The following EGFLAM variants were observed in gnomAD, a reference collection of about 807,000 sequenced individuals.
EGFLAM encodes the protein EGF like, fibronectin type III and laminin G domains.
In EGFLAM, 79 loss-of-function variants were observed where a neutral mutation model predicts 113.1. The ratio of observed to expected loss-of-function variants is 0.70; its 90% CI spans 0.58 to 0.84. The LOEUF is 0.84. Among genes scored for constraint, EGFLAM ranks in the 40% least tolerant of loss-of-function variants. The pLI is 0.00. For synonymous variants in EGFLAM, 504 were observed against 487.6 expected, an observed-to-expected ratio of 1.03 and a Z score of -0.44; for missense variants, 1,265 against 1,291.6, an observed-to-expected ratio of 0.98 and a Z score of 0.32.
At position 38,449,239 on chromosome 5, in the gene EGFLAM, G is replaced by A. The variant is rs567758543; in HGVS notation, c.2543+860G>A. Among the ~76,000 whole-genome samples the A allele has an allele frequency of 3.1e-4, 47 of 152,244 alleles. 2 individuals are homozygous for A. The highest frequency in any genetic ancestry group is 9.1e-4 in the African/African-American group (38 of 41,542). On this transcript the variant is annotated intron_variant, in intron 18 of 21. Transcript: ENST00000322350. Reference sequence around the variant, plus strand: ...AACACACAAGGGCAAATCTTTAAGCGAAAGGCATCCAGTTCTTAGGGTGGA... The same window carrying A: ...AACACACAAGGGCAAATCTTTAAGCAAAAGGCATCCAGTTCTTAGGGTGGA...
intron 6 of EGFLAM, chr5:38,400,111 A>G (rs1253495859): frequency 6.6e-6 from 1 of 152,182 alleles, no homozygotes; most frequent in African/African-American, 2.4e-5. Context: ...AAAACACAAG[A>G]CCCAGAGAGA....
chr5:38,376,212 G>A (rs929760856), intron 6 of EGFLAM, among the ~76,000 whole-genome samples: 5 of 152,152 alleles, frequency 3.3e-5, no homozygotes, highest in African/African-American at 1.2e-4. Context: ...AGCTTAATGA[G>A]TACATTCTTT....
rs1344732071 is a variant in EGFLAM at position 38,306,416 on chromosome 5, GTGGCC to G, written c.98-31087_98-31083del. Reference sequence around the variant, plus strand: ...GGCTAGGCTGAAGTCCTGGTTGCTGGTGGCCTGGCCTGGCCTGGCCTCTGGGCTCA... The same window carrying G: ...GGCTAGGCTGAAGTCCTGGTTGCTGGTGGCCTGGCCTGGCCTCTGGGCTCA... On this transcript the variant is annotated intron_variant, in intron 1 of 21. Coordinates refer to ENST00000322350, the MANE Select transcript of EGFLAM (RefSeq NM_152403.4). Among the ~76,000 whole-genome samples the G allele has an allele frequency of 2.0e-5, 3 of 152,204 alleles. 1 individual carries two copies. The East Asian group carries it at 5.8e-4, about 29-fold the overall frequency.
chr5:38,291,997 C>T (rs989779743), intron 1 of EGFLAM, among the ~76,000 whole-genome samples: 1 of 152,106 alleles, frequency 6.6e-6, no homozygotes, highest in African/African-American at 2.4e-5. Context: ...GGTTTTGCAA[C>T]CTGTGAAGTT....
At chr5:38,315,256 C>G (rs1212271824) in intron 1 of EGFLAM, among the ~76,000 whole-genome samples, 1 of 152,138 alleles carries the variant, frequency 6.6e-6, no homozygotes, top group Admixed American at 6.5e-5. Flanking sequence ...CCTAGTGATT[C>G]CAGCCTCTAT....
chr5:38,292,160 G>C (rs10035895), intron 1 of EGFLAM, among the ~76,000 whole-genome samples: 6,376 of 152,218 alleles, frequency 0.042, 459 homozygotes, highest in African/African-American at 0.14. Flanking sequence ...TGCAGAAACA[G>C]AATATTCCTA....
At chr5:38,289,278 C>A (rs925166878) in intron 1 of EGFLAM, among the ~76,000 whole-genome samples, 1 of 151,068 alleles carries the variant, frequency 6.6e-6, no homozygotes, top group Non-Finnish European at 1.5e-5. Flanking sequence ...TTTCCCCGCC[C>A]CCACATTTCA....
chr5:38,465,317 G>A lies in EGFLAM; in HGVS notation c.*1331G>A, dbSNP rs972572589. ...AGATGAACACTGCCCCCAAGGAGGG[G>A]GTGAAATATGATCTAACTTATGCAA... On this transcript the variant is annotated 3_prime_UTR_variant, in exon 22 of 22. Transcript: ENST00000322350. Among the ~76,000 whole-genome samples, 5 of 152,168 alleles carry A rather than the reference G, an allele frequency of 3.3e-5. No homozygotes were observed. The highest frequency in any genetic ancestry group is 1.2e-4 in the African/African-American group (5 of 41,434).
At chr5:38,285,509 A>G (rs182906706) in intron 1 of EGFLAM, among the ~76,000 whole-genome samples, 135 of 152,230 alleles carry the variant, frequency 8.9e-4, no homozygotes, top group Non-Finnish European at 1.7e-3. Context: ...GGCCATACAG[A>G]GAGTGCATCC....
At chr5:38,443,703 C>A (rs1742619504) in intron 17 of EGFLAM, among the ~76,000 whole-genome samples, 1 of 151,876 alleles carries the variant, frequency 6.6e-6, no homozygotes, top group Non-Finnish European at 1.5e-5. Flanking sequence ...GCCTTCCATG[C>A]CCACAGGGCC....
At chr5:38,420,137 C>A (rs1380165672) in intron 12 of EGFLAM, among the ~76,000 whole-genome samples, 2 of 152,214 alleles carry the variant, frequency 1.3e-5, no homozygotes, top group African/African-American at 2.4e-5. Context: ...TCTAATGTGA[C>A]CTCAGCCATT....
intron 5 of EGFLAM, among the ~76,000 whole-genome samples, chr5:38,366,189 A>G (rs1404102975): frequency 1.3e-5 from 2 of 152,164 alleles, no homozygotes; most frequent in Admixed American, 6.5e-5. Flanking sequence ...ATGGGTCTAG[A>G]GCAACTTCTG....
At chr5:38,314,759 G>A (rs1001695347) in intron 1 of EGFLAM, among the ~76,000 whole-genome samples, 4 of 152,214 alleles carry the variant, frequency 2.6e-5, no homozygotes, top group African/African-American at 9.7e-5. Context: ...TTGAACTCAG[G>A]TGGGACCATA....
intron 11 of EGFLAM, among the ~76,000 whole-genome samples, chr5:38,415,405 A>G (rs571260791): frequency 1.6e-4 from 24 of 152,166 alleles, no homozygotes; most frequent in African/African-American, 5.5e-4. Context: ...TTTGATTGCC[A>G]GGCACAGTGG....
chr5:38,380,106 T>C (rs527997935), intron 6 of EGFLAM, among the ~76,000 whole-genome samples: 2 of 152,358 alleles, frequency 1.3e-5, no homozygotes, highest in East Asian at 3.9e-4. Context: ...CAAGAAATTA[T>C]TATTCTTAAA....
At chr5:38,375,321 G>A (rs547517358) in intron 6 of EGFLAM, among the ~76,000 whole-genome samples, 1 of 152,154 alleles carries the variant, frequency 6.6e-6, no homozygotes, top group Non-Finnish European at 1.5e-5. Context: ...CTCTCCACTT[G>A]TGAGGTCAGA....
Position 38,258,571 on chromosome 5 carries a change from C to T in EGFLAM, c.-184C>T. On this transcript the variant is annotated 5_prime_UTR_variant, in exon 1 of 22. Coordinates refer to ENST00000322350, the MANE Select transcript of EGFLAM (RefSeq NM_152403.4). ...TGCAGCCGGCTTCACTCGCGCACGC[C>T]GACCTCCCGGCTGCAGTCCTACCTC... 1.5e-6 allele frequency: 1 copy of T among 645,940 alleles called. No homozygotes were observed. Among genetic ancestry groups the T allele is most frequent in the South Asian group, 2.0e-5 (1 of 50,838 alleles). 40.0% of individuals were successfully genotyped at this position (645,940 alleles called of 1,614,324 possible). A position where few individuals can be genotyped will look rare whatever the true frequency, so the allele number is the denominator to read the frequency against.
intron 15 of EGFLAM, 148 bp from the exon 16 acceptor site, chr5:38,434,989 G>A (rs1561091317): frequency 4.8e-6 from 3 of 619,876 alleles, no homozygotes; most frequent in Non-Finnish European, 8.6e-6. Context: ...CACTGTGAAA[G>A]TGAAGCCCTT....
intron 1 of EGFLAM, among the ~76,000 whole-genome samples, chr5:38,336,122 G>A (rs534141984): frequency 6.6e-5 from 10 of 152,216 alleles, no homozygotes; most frequent in Non-Finnish European, 1.3e-4. Flanking sequence ...TATGGCACAT[G>A]TGTTATATGG....
Sources: gnomAD v4.1 joint callset for allele counts (sites outside exome capture counted in the v4.1 genomes callset) on GRCh38, gnomAD v4.1.1 for gene constraint, MANE v1.5 for transcripts, NCBI Gene and HGNC (gene_info 2026-07-23, HGNC 2026-07-21) for gene names.